Variants in FSTL4 observed in about 807,000 individuals in gnomAD.
The protein encoded by FSTL4 is follistatin-related protein 4.
Under a neutral mutation model 78.2 loss-of-function variants are expected in FSTL4, and 28 were observed. The observed-to-expected ratio is 0.36, with a 90% confidence interval of 0.27 to 0.49. FSTL4 has a LOEUF of 0.49. Ranked by LOEUF, FSTL4 falls within the 20% of genes least tolerant of loss-of-function variation. The probability of loss-of-function intolerance (pLI) is 0.98; values close to 1 mark genes in which losing one functional copy is unlikely to be tolerated. For missense variants in FSTL4, 922 were observed against 1,084.9 expected, an observed-to-expected ratio of 0.85 and a Z score of 2.11; for synonymous variants, 422 against 440.5, an observed-to-expected ratio of 0.96 and a Z score of 0.53.
intron 4 of FSTL4, among the ~76,000 whole-genome samples, chr5:133,395,290 G>A (rs1311647944): frequency 2.0e-5 from 3 of 152,142 alleles, no homozygotes; most frequent in African/African-American, 7.2e-5. Flanking sequence ...TCTGAGGCCT[G>A]CGAGACAACG....
intron 3 of FSTL4, among the ~76,000 whole-genome samples, chr5:133,493,479 T>C (rs901117207): frequency 1.5e-4 from 23 of 152,228 alleles, no homozygotes; most frequent in African/African-American, 4.8e-4. Flanking sequence ...ACTTGCCACA[T>C]TCCTTGACCA....
chr5:133,257,986 C>G (rs1752424264), intron 6 of FSTL4, among the ~76,000 whole-genome samples: 1 of 152,184 alleles, frequency 6.6e-6, no homozygotes, highest in Non-Finnish European at 1.5e-5. Context: ...TCATACAGAT[C>G]TCTAAGGTTG....
intron 3 of FSTL4, among the ~76,000 whole-genome samples, chr5:133,535,978 G>GACA (rs978207356): frequency 2.0e-4 from 30 of 152,238 alleles, no homozygotes; most frequent in Admixed American, 1.2e-3. Flanking sequence ...CCAGAGTAGG[G>GACA]ACAATGCCTT....
chr5:133,384,853 C>T (rs183558191), intron 4 of FSTL4, among the ~76,000 whole-genome samples: 1 of 152,364 alleles, frequency 6.6e-6, no homozygotes, highest in Admixed American at 6.5e-5. Context: ...TTGCTGCTTT[C>T]TCTCTGCCCT....
At chr5:133,334,268 CT>C (rs1235099841) in intron 4 of FSTL4, among the ~76,000 whole-genome samples, 1 of 152,230 alleles carries the variant, frequency 6.6e-6, no homozygotes, top group Non-Finnish European at 1.5e-5. Context: ...TCCTGCCACG[CT>C]CACTGGGTCG....
the FSTL4 span, among the ~76,000 whole-genome samples, chr5:133,784,610 T>A: frequency 3.9e-3 from 588 of 152,232 alleles, 1 homozygote; most frequent in Non-Finnish European, 6.2e-3. Flanking sequence ...TGTGTGAAAG[T>A]CCAGATCCTG....
chr5:133,694,782 T>C, the FSTL4 span, among the ~76,000 whole-genome samples: 2 of 152,220 alleles, frequency 1.3e-5, no homozygotes, highest in South Asian at 2.1e-4. Context: ...ATCTGGTGTC[T>C]AGCAAGGGTC....
chr5:133,706,989 A>G, the FSTL4 span, among the ~76,000 whole-genome samples: 2 of 152,138 alleles, frequency 1.3e-5, no homozygotes, highest in Non-Finnish European at 2.9e-5. Flanking sequence ...CTCACACTGC[A>G]TCATCATGAG....
intron 3 of FSTL4, among the ~76,000 whole-genome samples, chr5:133,501,186 G>T (rs375686484): frequency 3.3e-5 from 5 of 152,124 alleles, no homozygotes; most frequent in African/African-American, 1.2e-4. Context: ...TACAGCAGAC[G>T]GCTGGGGAAA....
chr5:133,629,538 C>G, the FSTL4 span, among the ~76,000 whole-genome samples: 1 of 152,134 alleles, frequency 6.6e-6, no homozygotes, highest in Non-Finnish European at 1.5e-5. Context: ...CAGGACCAGA[C>G]AGATTCACAG....
At chr5:133,582,784 C>T (rs1760449693) in intron 2 of FSTL4, among the ~76,000 whole-genome samples, 1 of 152,168 alleles carries the variant, frequency 6.6e-6, no homozygotes, top group East Asian at 1.9e-4. Context: ...AGGATGCCTT[C>T]CACTTGGTCT....
At chr5:133,548,931 A>G (rs1478763912) in intron 3 of FSTL4, among the ~76,000 whole-genome samples, 1 of 152,232 alleles carries the variant, frequency 6.6e-6, no homozygotes, top group African/African-American at 2.4e-5. Flanking sequence ...CTCTTAGCAT[A>G]TTAAAGATAT....
intron 3 of FSTL4, among the ~76,000 whole-genome samples, chr5:133,547,118 T>A (rs917616983): frequency 5.3e-5 from 8 of 152,170 alleles, no homozygotes; most frequent in African/African-American, 1.9e-4. Context: ...CTGGGAGAGC[T>A]GAAGTGTGAG....
At chr5:133,245,822 G>C (rs1752024463) in intron 7 of FSTL4, among the ~76,000 whole-genome samples, 1 of 152,158 alleles carries the variant, frequency 6.6e-6, no homozygotes, top group Admixed American at 6.5e-5. Context: ...GGCGAGAGGG[G>C]TACATTTACT....
intron 7 of FSTL4, chr5:133,248,793 C>T (rs144273623): frequency 6.5e-6 from 1 of 154,238 alleles, no homozygotes; most frequent in African/African-American, 2.4e-5. Context: ...CCACTTAACT[C>T]ATCACACCCT....
At chr5:133,221,914 T>TTTG (rs1751141168) in intron 11 of FSTL4, among the ~76,000 whole-genome samples, 2 of 117,096 alleles carry the variant, frequency 1.7e-5, no homozygotes, top group African/African-American at 9.1e-5. Context: ...TTTTTTTTTT[T>TTTG]TTTTTTTTTT....
chr5:133,571,765 G>C (rs759917284), intron 2 of FSTL4, among the ~76,000 whole-genome samples: 1 of 152,056 alleles, frequency 6.6e-6, no homozygotes, highest in Non-Finnish European at 1.5e-5. Flanking sequence ...TCAATAGGTG[G>C]ATTTAACAAC....
intron 3 of FSTL4, among the ~76,000 whole-genome samples, chr5:133,502,953 C>G (rs1758531770): frequency 6.6e-6 from 1 of 152,150 alleles, no homozygotes; most frequent in East Asian, 1.9e-4. Flanking sequence ...TCATTAAGCC[C>G]TCATGAGGAC....
the FSTL4 span, among the ~76,000 whole-genome samples, chr5:133,618,862 A>G: frequency 6.6e-6 from 1 of 152,226 alleles, no homozygotes; most frequent in African/African-American, 2.4e-5. Flanking sequence ...ATAGGTGCCT[A>G]GAGAACCTTC....
Sources: allele counts gnomAD v4.1 joint callset (sites outside exome capture counted in the v4.1 genomes callset), GRCh38; gene constraint gnomAD v4.1.1; transcripts MANE v1.5; gene names NCBI Gene and HGNC (gene_info 2026-07-23, HGNC 2026-07-21).